Variants in CCDC171 observed in about 807,000 individuals in gnomAD.
CCDC171 encodes the protein coiled-coil domain containing 171, also known as coiled-coil domain-containing protein 171.
A neutral mutation model predicts 168.2 loss-of-function variants in CCDC171; 177 were observed. The observed-to-expected ratio is 1.05, with a 90% CI of 0.93 to 1.19. The LOEUF is 1.19. Among genes scored for constraint, CCDC171 ranks in the 50% most tolerant of loss-of-function variants. The probability of loss-of-function intolerance (pLI) is 0.00; values close to 1 mark genes in which losing one functional copy is unlikely to be tolerated. For missense variants in CCDC171, 1,991 were observed against 1,539.0 expected (o/e 1.29, Z -4.91); for synonymous variants, 687 against 540.8 (o/e 1.27, Z -3.75).
chr9:16,074,814 T>A, the CCDC171 span, among the ~76,000 whole-genome samples: 2 of 152,132 alleles, frequency 1.3e-5, no homozygotes, highest in East Asian at 3.9e-4. Flanking sequence ...GGGTAAGGTA[T>A]GAAAAATGGG....
At chr9:15,723,655 A>T in intron 12 of CCDC171, 26 bp from the exon 13 acceptor site, 1 of 1,558,478 alleles carries the variant, frequency 6.4e-7, no homozygotes, top group African/African-American at 1.4e-5. Flanking sequence ...TTCTTTCATC[A>T]GCTAAACAGC....
intron 25 of CCDC171, among the ~76,000 whole-genome samples, chr9:15,923,612 G>T (rs758627340): frequency 6.6e-6 from 1 of 151,144 alleles, no homozygotes; most frequent in African/African-American, 2.4e-5. Context: ...TAATAAAGAC[G>T]TATTCTTGAA....
In CCDC171 at chr9:15,713,264, A is replaced by G. The variant is rs529599698; in HGVS notation, c.1319-8505A>G. The stretch of plus-strand genomic sequence containing the variant: ...GGCTGTAGTGCTGCTGCAGCTGCCT[A>G]TTTTTGAATCATGTCACCATAACAT... On this transcript the variant is annotated intron_variant, in intron 11 of 25. Coordinates refer to ENST00000380701, the MANE Select transcript of CCDC171 (RefSeq NM_173550.4). Among the ~76,000 whole-genome samples, 98 of 151,728 alleles carry G rather than the reference A, an allele frequency of 6.5e-4. 1 individual carries two copies. Among genetic ancestry groups the G allele is most frequent in the Non-Finnish European group, 1.3e-3 (86 of 67,984 alleles).
At chr9:15,680,652 T>C (rs2049977040) in intron 10 of CCDC171, among the ~76,000 whole-genome samples, 2 of 152,202 alleles carry the variant, frequency 1.3e-5, no homozygotes, top group Non-Finnish European at 2.9e-5. Flanking sequence ...GTATTTTGAA[T>C]GTGATGTTTT....
chr9:15,933,290 G>C (rs1161227544), intron 25 of CCDC171, among the ~76,000 whole-genome samples: 1 of 151,854 alleles, frequency 6.6e-6, no homozygotes, highest in Non-Finnish European at 1.5e-5. Context: ...GGTCTGTTCA[G>C]ATTTTCTATT....
intron 24 of CCDC171, among the ~76,000 whole-genome samples, chr9:15,918,523 G>GA (rs1824866187): frequency 6.6e-6 from 1 of 151,426 alleles, no homozygotes; most frequent in Non-Finnish European, 1.5e-5. Flanking sequence ...CTTGACATAG[G>GA]AAAAAACAGA....
chr9:16,060,074 G>A (rs1467141439), intron 1 of CCDC171, among the ~76,000 whole-genome samples: 1 of 152,172 alleles, frequency 6.6e-6, no homozygotes, highest in Admixed American at 6.5e-5. Flanking sequence ...TGAGGGAGAC[G>A]TAGCATGTAA....
In CCDC171 at chr9:15,963,207, G is replaced by A. The variant is rs189035006; in HGVS notation, c.3754-8402G>A. ...GGGGTGCGGGGAGCAGGGAGGGATA[G>A]CATTAGGAGATATACCTAATGTTAA... On this transcript the variant is annotated intron_variant, in intron 25 of 25. Coordinates refer to ENST00000380701, the MANE Select transcript of CCDC171 (RefSeq NM_173550.4). Among the ~76,000 whole-genome samples the A allele has an allele frequency of 8.8e-4, 134 of 152,224 alleles. 1 individual carries two copies. Among genetic ancestry groups the A allele is most frequent in the African/African-American group, 3.1e-3 (129 of 41,534 alleles).
intron 7 of CCDC171, among the ~76,000 whole-genome samples, chr9:15,628,559 A>G (rs1794600178): frequency 6.6e-6 from 1 of 152,348 alleles, no homozygotes; most frequent in South Asian, 2.1e-4. Context: ...CCACAGCTCA[A>G]GGAGGCCTGC....
intron 2 of CCDC171, among the ~76,000 whole-genome samples, chr9:15,567,605 C>T (rs1394225421): frequency 6.6e-6 from 1 of 151,904 alleles, no homozygotes; most frequent in African/African-American, 2.4e-5. Flanking sequence ...ACTTGTTTAG[C>T]TTTTCAACTC....
chr9:15,734,078 G>T (rs747896797), intron 16 of CCDC171, among the ~76,000 whole-genome samples: 37 of 152,122 alleles, frequency 2.4e-4, no homozygotes, highest in Non-Finnish European at 5.0e-4. Context: ...CCCAGCTGCA[G>T]TTCATTTTTT....
At chr9:15,999,911 C>G (rs1461775863) in intron 3 of CCDC171, among the ~76,000 whole-genome samples, 1 of 152,040 alleles carries the variant, frequency 6.6e-6, no homozygotes, top group Non-Finnish European at 1.5e-5. Flanking sequence ...CAGGAGCACA[C>G]TAGTATCTAA....
intron 25 of CCDC171, among the ~76,000 whole-genome samples, chr9:15,958,045 T>C (rs1346910519): frequency 1.3e-5 from 2 of 152,172 alleles, no homozygotes; most frequent in African/African-American, 4.8e-5. Context: ...AAGAGGAGTT[T>C]AATATTAAAA....
intron 11 of CCDC171, among the ~76,000 whole-genome samples, chr9:15,710,290 C>T (rs2052562570): frequency 1.3e-5 from 2 of 151,420 alleles, no homozygotes; most frequent in Admixed American, 6.6e-5. Flanking sequence ...GGTTCCTCTC[C>T]TCTTCTGTCT....
At chr9:15,629,134 C>A (rs1417244319) in intron 7 of CCDC171, among the ~76,000 whole-genome samples, 2 of 152,118 alleles carry the variant, frequency 1.3e-5, no homozygotes, top group African/African-American at 4.8e-5. Flanking sequence ...CTCTCCTCCT[C>A]CAAAGGAATG....
intron 3 of CCDC171, among the ~76,000 whole-genome samples, chr9:15,573,120 AC>A (rs1425236006): frequency 6.6e-6 from 1 of 151,880 alleles, no homozygotes; most frequent in Non-Finnish European, 1.5e-5. Context: ...AGATCGTGCC[AC>A]TGCACTCCAG....
intron 25 of CCDC171, among the ~76,000 whole-genome samples, chr9:15,963,185 G>A (rs1251222067): frequency 1.3e-5 from 2 of 152,088 alleles, no homozygotes; most frequent in African/African-American, 4.8e-5. Flanking sequence ...CTGTTGTGGG[G>A]TGCGGGGAGC....
chr9:16,108,507 G>A, the CCDC171 span, among the ~76,000 whole-genome samples: 5 of 152,220 alleles, frequency 3.3e-5, no homozygotes, highest in Non-Finnish European at 7.3e-5. Context: ...ATAGGCACTA[G>A]TTAATGTGGC....
rs545604208 is a variant in CCDC171 at position 15,673,278 on chromosome 9, A to G, written c.1077-5480A>G. ...TGAGATGATGGGGTTTTCTAAATATACAATCATGTCATCTGCAAACAGGGA... is the reference window on the plus strand; with the variant it reads ...TGAGATGATGGGGTTTTCTAAATATGCAATCATGTCATCTGCAAACAGGGA... On this transcript the variant is annotated intron_variant, in intron 9 of 25. Coordinates refer to ENST00000380701, the MANE Select transcript of CCDC171 (RefSeq NM_173550.4). Among the ~76,000 whole-genome samples, 270 of 152,360 alleles carry G rather than the reference A, an allele frequency of 1.8e-3. 1 individual carries two copies. Among genetic ancestry groups the G allele is most frequent in the Middle Eastern group, 0.014 (4 of 294 alleles).
Sources: allele counts gnomAD v4.1 joint callset (sites outside exome capture counted in the v4.1 genomes callset), GRCh38; gene constraint gnomAD v4.1.1; transcripts MANE v1.5; gene names NCBI Gene and HGNC (gene_info 2026-07-23, HGNC 2026-07-21).